Variants in ARHGAP42 observed in about 807,000 individuals in gnomAD.
The protein encoded by ARHGAP42 is rho GTPase-activating protein 42.
ARHGAP42 carries 63 observed loss-of-function variants against 125.0 expected under a neutral mutation model. That is an observed-to-expected ratio of 0.50 (90% confidence interval 0.41 to 0.62). ARHGAP42 has a LOEUF of 0.62. Among genes scored for constraint, ARHGAP42 ranks in the 20% least tolerant of loss-of-function variants. The pLI is 0.00. For missense variants in ARHGAP42, 766 were observed against 1,024.2 expected, an observed-to-expected ratio of 0.75 and a Z score of 3.44; for synonymous variants, 339 against 351.0, an observed-to-expected ratio of 0.97 and a Z score of 0.38.
chr11:100,734,271 C>G (rs1591136192), intron 1 of ARHGAP42, among the ~76,000 whole-genome samples: 1 of 151,086 alleles, frequency 6.6e-6, no homozygotes, highest in Non-Finnish European at 1.5e-5. Flanking sequence ...GTGAAATCCA[C>G]CCCTTTTTTA....
At chr11:100,714,138 A>C (rs1237258283) in intron 1 of ARHGAP42, among the ~76,000 whole-genome samples, 1 of 152,174 alleles carries the variant, frequency 6.6e-6, no homozygotes, top group Non-Finnish European at 1.5e-5. Flanking sequence ...ATGATGCAAA[A>C]ATTTCTGAAA....
intron 5 of ARHGAP42, among the ~76,000 whole-genome samples, chr11:100,917,469 A>G (rs1466505727): frequency 2.0e-5 from 3 of 152,154 alleles, no homozygotes; most frequent in African/African-American, 4.8e-5. Flanking sequence ...ACCAATTCCT[A>G]GTGATATGTG....
At position 100,933,100 on chromosome 11, in the gene ARHGAP42, A is replaced by G. The variant is rs1335442190; in HGVS notation, c.598-56A>G. 5.7e-6 allele frequency: 7 copies of G among 1,225,174 alleles called. No individual in the cohort carries two copies. In the South Asian group the frequency reaches 9.7e-5, roughly 17 times the overall value. The allele number at this position is 1,225,174 out of a possible 1,614,324, so 75.9% of individuals were successfully genotyped here. ...TATAATTTTCTCCCTATTTTATATCATTAAATGATCATTAAAACACATTTT... is the reference window on the plus strand; with the variant it reads ...TATAATTTTCTCCCTATTTTATATCGTTAAATGATCATTAAAACACATTTT... On this transcript the variant is annotated intron_variant, in intron 6 of 23. Transcript: ENST00000298815.
intron 4 of ARHGAP42, among the ~76,000 whole-genome samples, chr11:100,908,991 A>C (rs1866831847): frequency 6.6e-6 from 1 of 152,134 alleles, no homozygotes; most frequent in Non-Finnish European, 1.5e-5. Flanking sequence ...AGAGACATTG[A>C]GCATTTTTTT....
chr11:100,896,850 G>C (rs1361897535), intron 4 of ARHGAP42, among the ~76,000 whole-genome samples: 1 of 151,988 alleles, frequency 6.6e-6, no homozygotes, highest in South Asian at 2.1e-4. Flanking sequence ...TTAATTAGAT[G>C]CCATTTGTCT....
intron 2 of ARHGAP42, among the ~76,000 whole-genome samples, chr11:100,777,111 T>G (rs1591172693): frequency 6.6e-6 from 1 of 152,204 alleles, no homozygotes; most frequent in South Asian, 2.1e-4. Flanking sequence ...CCAAGTTTTG[T>G]GTACAGCATT....
At chr11:100,857,472 C>T (rs975026856) in intron 3 of ARHGAP42, among the ~76,000 whole-genome samples, 5 of 152,122 alleles carry the variant, frequency 3.3e-5, no homozygotes, top group Admixed American at 3.3e-4. Flanking sequence ...CCCATCTACT[C>T]CCTTTCACAA....
At chr11:100,850,647 A>G (rs545199681) in intron 3 of ARHGAP42, among the ~76,000 whole-genome samples, 65 of 152,308 alleles carry the variant, frequency 4.3e-4, no homozygotes, top group African/African-American at 1.5e-3. Flanking sequence ...TTATTAAAGC[A>G]TGTCTTTTAA....
intron 1 of ARHGAP42, among the ~76,000 whole-genome samples, chr11:100,762,862 A>G (rs1036662078): frequency 1.3e-5 from 2 of 151,578 alleles, no homozygotes; most frequent in Non-Finnish European, 2.9e-5. Flanking sequence ...TGCTACGTAC[A>G]TTACTCAGTA....
In ARHGAP42 at chr11:100,751,773, C is replaced by CTT. The variant is rs757372755; in HGVS notation, c.155-18545_155-18544dup. ...CTGGTTATTCAGATCAGACAGGCAC[C>CTT]TTTTTTTTTTTTTTTTTTTTTTTTT... On this transcript the variant is annotated intron_variant, in intron 1 of 23. Transcript: ENST00000298815. Among the ~76,000 whole-genome samples, 166 of 84,412 alleles carry CTT rather than the reference C, an allele frequency of 2.0e-3. 22 individuals carry two copies. The highest frequency in any genetic ancestry group is 4.8e-3 in the African/African-American group (99 of 20,590). 55.4% of individuals were successfully genotyped at this position (84,412 alleles called of 152,430 possible).
intron 3 of ARHGAP42, among the ~76,000 whole-genome samples, chr11:100,810,985 T>G (rs1864125611): frequency 6.6e-6 from 1 of 152,180 alleles, no homozygotes; most frequent in South Asian, 2.1e-4. Context: ...GGACAGAGTC[T>G]CACTGTGTTA....
intron 10 of ARHGAP42, among the ~76,000 whole-genome samples, chr11:100,948,106 T>C (rs951664690): frequency 6.6e-6 from 1 of 152,056 alleles, no homozygotes; most frequent in Non-Finnish European, 1.5e-5. Flanking sequence ...AGTTCTCATA[T>C]TGTGGAATTC....
At chr11:100,795,028 G>T (rs929179974) in intron 2 of ARHGAP42, 77 bp from the exon 3 acceptor site, 4 of 1,117,534 alleles carry the variant, frequency 3.6e-6, no homozygotes, top group African/African-American at 3.2e-5. Context: ...CAGCTTTCTT[G>T]TAATGTTTCT....
intron 4 of ARHGAP42, among the ~76,000 whole-genome samples, chr11:100,910,905 G>A (rs958491402): frequency 6.6e-6 from 1 of 152,022 alleles, no homozygotes; most frequent in Non-Finnish European, 1.5e-5. Flanking sequence ...AAGAGTCCAG[G>A]AAGTGGTTCT....
intron 3 of ARHGAP42, among the ~76,000 whole-genome samples, chr11:100,802,361 G>A (rs1046373792): frequency 2.0e-4 from 30 of 151,876 alleles, no homozygotes; most frequent in African/African-American, 7.0e-4. Context: ...CCATGCCACT[G>A]GAGGTGATAG....
intron 3 of ARHGAP42, among the ~76,000 whole-genome samples, chr11:100,850,628 T>G (rs1865179538): frequency 1.3e-5 from 2 of 152,208 alleles, no homozygotes; most frequent in Non-Finnish European, 1.5e-5. Flanking sequence ...CAAGATCTCT[T>G]TTATCTAGTT....
intron 2 of ARHGAP42, among the ~76,000 whole-genome samples, chr11:100,770,669 C>G (rs1341834831): frequency 6.6e-6 from 1 of 152,134 alleles, no homozygotes; most frequent in Non-Finnish European, 1.5e-5. Flanking sequence ...CCTCTGCCTC[C>G]CGGGTTCAAG....
intron 14 of ARHGAP42, 49 bp downstream of exon 14, chr11:100,961,038 A>C (rs1310600609): frequency 7.6e-7 from 1 of 1,313,872 alleles, no homozygotes; most frequent in South Asian, 1.5e-5. Context: ...TCTTATAGGT[A>C]ATCTAAAGTA....
At position 100,724,530 on chromosome 11, in the gene ARHGAP42, AT is replaced by A. The variant is rs1373354507; in HGVS notation, c.154+36702del. ...GTATTCAGATTATCTACTTGGGTGAATTTTGAAAGTTTGTATCTTTCAAGGT... is the reference window on the plus strand; with the variant it reads ...GTATTCAGATTATCTACTTGGGTGAATTTGAAAGTTTGTATCTTTCAAGGT... On this transcript the variant is annotated intron_variant, in intron 1 of 23. Coordinates refer to ENST00000298815, the MANE Select transcript of ARHGAP42 (RefSeq NM_152432.4). 2.6e-5 allele frequency among the ~76,000 whole-genome samples: 4 copies of A among 152,166 alleles called. No homozygotes were observed. The East Asian group carries it at 7.8e-4, about 29-fold the overall frequency.
Sources: gnomAD v4.1 joint callset for allele counts (sites outside exome capture counted in the v4.1 genomes callset) on GRCh38, gnomAD v4.1.1 for gene constraint, MANE v1.5 for transcripts, NCBI Gene and HGNC (gene_info 2026-07-23, HGNC 2026-07-21) for gene names.